Variants in UBE2L3 observed in about 807,000 individuals in gnomAD.
UBE2L3 encodes ubiquitin conjugating enzyme E2 L3.
UBE2L3 carries 1 observed loss-of-function variant against 17.8 expected under a neutral mutation model. That is an observed-to-expected ratio of 0.06 (90% CI 0.02 to 0.27). The LOEUF (loss-of-function observed/expected upper bound fraction) is 0.27, where lower values mean the gene tolerates loss of function less well. Among genes scored for constraint, UBE2L3 ranks in the 10% least tolerant of loss-of-function variants. The probability of loss-of-function intolerance (pLI) is 1.00; values close to 1 mark genes in which losing one functional copy is unlikely to be tolerated. For missense variants in UBE2L3, 40 were observed against 192.6 expected (o/e 0.21, Z 4.69); for synonymous variants, 44 against 68.5 (o/e 0.64, Z 1.76).
chr22:21,581,621 A>G (rs1927642929), intron 1 of UBE2L3, among the ~76,000 whole-genome samples: 1 of 150,992 alleles, frequency 6.6e-6, no homozygotes, highest in South Asian at 2.1e-4. Flanking sequence ...GACCAACATG[A>G]ATAAACCCCT....
intron 1 of UBE2L3, among the ~76,000 whole-genome samples, chr22:21,569,459 A>T (rs1926839699): frequency 6.6e-6 from 1 of 151,090 alleles, no homozygotes; most frequent in Non-Finnish European, 1.5e-5. Context: ...TACTGAAATT[A>T]CTCTGAATCT....
At chr22:21,583,854 T>A (rs1370898676) in intron 1 of UBE2L3, among the ~76,000 whole-genome samples, 1 of 152,196 alleles carries the variant, frequency 6.6e-6, no homozygotes, top group African/African-American at 2.4e-5. Flanking sequence ...TTGAATCCTT[T>A]GCAGGTGAAC....
chr22:21,610,777 A>G, intron 2 of UBE2L3, 80 bp from the exon 3 acceptor site: 7 of 1,387,526 alleles, frequency 5.0e-6, no homozygotes, highest in Non-Finnish European at 6.7e-6. Flanking sequence ...GATTTTTCAG[A>G]TAAACAATTA....
intron 2 of UBE2L3, among the ~76,000 whole-genome samples, chr22:21,603,662 T>A (rs1385501228): frequency 2.7e-5 from 4 of 149,260 alleles, no homozygotes; most frequent in East Asian, 2.0e-4. Flanking sequence ...GTTAACACGG[T>A]GAAACCCCGT....
At chr22:21,611,097 G>A in intron 3 of UBE2L3, 54 bp downstream of exon 3, 2 of 1,502,832 alleles carry the variant, frequency 1.3e-6, no homozygotes, top group Non-Finnish European at 8.9e-7. Context: ...GTGCTGCTCT[G>A]GGGTGGGGGC....
chr22:21,592,708 C>G (rs904484577), intron 1 of UBE2L3, among the ~76,000 whole-genome samples, 153 bp from the exon 2 acceptor site: 6 of 152,172 alleles, frequency 3.9e-5, no homozygotes, highest in African/African-American at 1.4e-4. Flanking sequence ...AGCTCCATGC[C>G]TCCTTAACCA....
intron 2 of UBE2L3, 59 bp from the exon 3 acceptor site, chr22:21,610,798 G>T: frequency 6.9e-7 from 1 of 1,456,758 alleles, no homozygotes; most frequent in Non-Finnish European, 9.1e-7. Context: ...AAACATTCCT[G>T]TCTTGGCCAT....
chr22:21,619,850 C>T (rs1377393879), intron 3 of UBE2L3, among the ~76,000 whole-genome samples: 1 of 152,158 alleles, frequency 6.6e-6, no homozygotes, highest in Non-Finnish European at 1.5e-5. Flanking sequence ...GGCCACCATG[C>T]CTGGCTAATT....
At position 21,622,923 on chromosome 22, in the gene UBE2L3, C is replaced by G. The variant is rs370259281; in HGVS notation, c.*1254C>G. The G allele has an allele frequency of 6.6e-6, 1 of 152,642 alleles. No homozygotes were observed. The highest frequency in any genetic ancestry group is 1.5e-5 in the Non-Finnish European group (1 of 68,020). 9.5% of individuals were successfully genotyped at this position (152,642 alleles called of 1,614,324 possible). On this transcript the variant is annotated 3_prime_UTR_variant, in exon 4 of 4. Transcript: ENST00000342192. Reference sequence around the variant, plus strand: ...TTTTTTTGTAGAAATAAAAATTGACCTTAGAATTTATCGTCAGATAAACTT... The same window carrying G: ...TTTTTTTGTAGAAATAAAAATTGACGTTAGAATTTATCGTCAGATAAACTT...
In UBE2L3 at chr22:21,594,448, A is replaced by G. The variant is rs1458403096; in HGVS notation, c.123+1492A>G. ...TGCTTTCTTCTTGATGCTGGTTATA[A>G]GGTGAGCATGGAGCATGCTCCCTCC... On this transcript the variant is annotated intron_variant, in intron 2 of 3. Transcript: ENST00000342192. Among the ~76,000 whole-genome samples the G allele has an allele frequency of 2.0e-5, 3 of 151,954 alleles. No homozygotes were observed. The East Asian group carries it at 5.8e-4, about 29-fold the overall frequency.
chr22:21,578,267 G>T (rs1022772545), intron 1 of UBE2L3, among the ~76,000 whole-genome samples: 1 of 151,932 alleles, frequency 6.6e-6, no homozygotes, highest in African/African-American at 2.4e-5. Flanking sequence ...GGCTGAGGCA[G>T]GAGAATGGTG....
At chr22:21,619,063 A>C (rs1929921261) in intron 3 of UBE2L3, among the ~76,000 whole-genome samples, 1 of 152,066 alleles carries the variant, frequency 6.6e-6, no homozygotes, top group South Asian at 2.1e-4. Flanking sequence ...GGCCATTTCT[A>C]ATCATGGGAA....
intron 3 of UBE2L3, among the ~76,000 whole-genome samples, chr22:21,620,809 G>A (rs965281058): frequency 3.3e-5 from 5 of 152,082 alleles, no homozygotes; most frequent in Admixed American, 6.6e-5. Context: ...CAAGTGCAGC[G>A]CCATCACATA....
rs530825495 is a variant in UBE2L3 at position 21,615,552 on chromosome 22, C to G, written c.310+4509C>G. 5.8e-3 allele frequency among the ~76,000 whole-genome samples: 845 copies of G among 145,818 alleles called. 5 individuals are homozygous for G. The highest frequency in any genetic ancestry group is 0.02 in the African/African-American group (788 of 39,088). On this transcript the variant is annotated intron_variant, in intron 3 of 3. Transcript: ENST00000342192. ...CCTGGGCGACAGAGCAAGACTCCGTCTCAAAAAAAAAAAAAAAGAAAGAAA... is the reference window on the plus strand; with the variant it reads ...CCTGGGCGACAGAGCAAGACTCCGTGTCAAAAAAAAAAAAAAAGAAAGAAA...
chr22:21,615,119 C>T (rs890853969), intron 3 of UBE2L3, among the ~76,000 whole-genome samples: 2 of 152,096 alleles, frequency 1.3e-5, no homozygotes, highest in Non-Finnish European at 2.9e-5. Context: ...TGTGCCATTG[C>T]ACTCCAGCCT....
chr22:21,599,052 G>A (rs1280688140), intron 2 of UBE2L3, among the ~76,000 whole-genome samples: 1 of 152,152 alleles, frequency 6.6e-6, no homozygotes, highest in Non-Finnish European at 1.5e-5. Context: ...ATGTTGGCCA[G>A]GCTGGTCTTG....
chr22:21,588,748 C>T (rs2148418537), intron 1 of UBE2L3, among the ~76,000 whole-genome samples: 1 of 152,052 alleles, frequency 6.6e-6, no homozygotes, highest in South Asian at 2.1e-4. Flanking sequence ...ACTACAACCT[C>T]CGCCTCCTGG....
intron 1 of UBE2L3, among the ~76,000 whole-genome samples, chr22:21,579,276 G>A (rs1244172453): frequency 1.3e-5 from 2 of 152,074 alleles, no homozygotes; most frequent in African/African-American, 2.4e-5. Flanking sequence ...ACAGGCGTGA[G>A]CCACCATGCC....
chr22:21,571,930 A>G (rs1005647066), intron 1 of UBE2L3, among the ~76,000 whole-genome samples: 1 of 152,108 alleles, frequency 6.6e-6, no homozygotes, highest in Non-Finnish European at 1.5e-5. Context: ...TTTATATGTG[A>G]TGTTATGCCA....
Sources: allele counts gnomAD v4.1 joint callset (sites outside exome capture counted in the v4.1 genomes callset), GRCh38; gene constraint gnomAD v4.1.1; transcripts MANE v1.5; gene names NCBI Gene and HGNC (gene_info 2026-07-23, HGNC 2026-07-21).